CC2D2B: variants seen among roughly 807,000 people sequenced by gnomAD.
The protein encoded by CC2D2B is protein CC2D2B.
In CC2D2B, 128 loss-of-function variants were observed where a neutral mutation model predicts 161.2. That is an observed-to-expected ratio of 0.79 (90% CI 0.69 to 0.92). The LOEUF is 0.92. Among genes scored for constraint, CC2D2B ranks in the 40% least tolerant of loss-of-function variants. The pLI, the probability that CC2D2B is intolerant of heterozygous loss-of-function variation, is 0.00. For missense variants in CC2D2B, 1,173 were observed against 1,375.1 expected (o/e 0.85, Z 2.32); for synonymous variants, 391 against 449.8 (o/e 0.87, Z 1.65).
intron 10 of CC2D2B, among the ~76,000 whole-genome samples, chr10:95,954,737 T>G (rs542886424): frequency 6.6e-6 from 1 of 152,284 alleles, no homozygotes; most frequent in African/African-American, 2.4e-5. Context: ...GAATATAGTT[T>G]GTTTTCCTAT....
intron 24 of CC2D2B, among the ~76,000 whole-genome samples, chr10:96,003,754 C>T (rs2078629529): frequency 6.6e-6 from 1 of 152,044 alleles, no homozygotes; most frequent in South Asian, 2.1e-4. Context: ...CCATGCCGGG[C>T]CGTAAATTCT....
Position 95,947,442 on chromosome 10 carries a change from C to A in CC2D2B, c.802-2454C>A, listed in dbSNP as rs912085839. Among the ~76,000 whole-genome samples, 5 of 138,242 alleles carry A rather than the reference C, an allele frequency of 3.6e-5. No individual in the cohort carries two copies. In the Admixed American group the frequency reaches 3.9e-4, roughly 11 times the overall value. The allele number at this position is 138,242 out of a possible 152,430, so 90.7% of individuals were successfully genotyped here. Reference sequence around the variant, plus strand: ...TTCCTTTACTTTCTTAATAAACTTGCTTTTACTTAAAAAAAAGGTGGTCAG... The same window carrying A: ...TTCCTTTACTTTCTTAATAAACTTGATTTTACTTAAAAAAAAGGTGGTCAG... On this transcript the variant is annotated intron_variant, in intron 9 of 34. Coordinates refer to ENST00000646931, the MANE Select transcript of CC2D2B (RefSeq NM_001349008.3).
intron 12 of CC2D2B, among the ~76,000 whole-genome samples, chr10:95,965,632 T>C (rs1262642038): frequency 6.6e-6 from 1 of 152,100 alleles, no homozygotes; most frequent in Non-Finnish European, 1.5e-5. Context: ...GAAAGGTTTC[T>C]TGATGCCCTT....
chr10:95,979,461 G>C (rs1469534255), intron 17 of CC2D2B, among the ~76,000 whole-genome samples: 28 of 152,152 alleles, frequency 1.8e-4, no homozygotes, highest in Admixed American at 1.8e-3. Context: ...GCAGTGGTCA[G>C]TATTTTTTTA....
At chr10:95,994,235 T>C (rs1218753499) in intron 22 of CC2D2B, among the ~76,000 whole-genome samples, 1 of 151,026 alleles carries the variant, frequency 6.6e-6, no homozygotes. Context: ...GATTATAAGG[T>C]CAAGCAAGTC....
chr10:96,028,000 G>T, intron 34 of CC2D2B, among the ~76,000 whole-genome samples: 1 of 152,156 alleles, frequency 6.6e-6, no homozygotes, highest in African/African-American at 2.4e-5. Flanking sequence ...CTGGACTAAA[G>T]AGTTAGTTTA....
At chr10:95,975,878 C>A (rs537083774) in intron 17 of CC2D2B, among the ~76,000 whole-genome samples, 1 of 152,270 alleles carries the variant, frequency 6.6e-6, no homozygotes, top group South Asian at 2.1e-4. Flanking sequence ...ATACCTAGAA[C>A]TATTATTTTG....
At chr10:95,969,670 T>C (rs1201350285) in intron 15 of CC2D2B, among the ~76,000 whole-genome samples, 2 of 152,188 alleles carry the variant, frequency 1.3e-5, no homozygotes, top group Non-Finnish European at 2.9e-5. Context: ...TCATTATTCA[T>C]GTATTCAGGT....
chr10:95,946,918 G>A (rs1279932444), intron 9 of CC2D2B, among the ~76,000 whole-genome samples: 1 of 151,402 alleles, frequency 6.6e-6, no homozygotes, highest in East Asian at 1.9e-4. Context: ...TCCTATTTGG[G>A]TTGATGCATT....
intron 23 of CC2D2B, 50 bp from the exon 24 acceptor site, chr10:95,996,093 G>T: frequency 1.2e-6 from 1 of 804,214 alleles, no homozygotes; most frequent in South Asian, 2.6e-5. Flanking sequence ...TACCTTTATC[G>T]ACTATATATA....
intron 17 of CC2D2B, among the ~76,000 whole-genome samples, chr10:95,979,402 G>GTCCTT (rs2077432415): frequency 6.6e-6 from 1 of 152,156 alleles, no homozygotes; most frequent in African/African-American, 2.4e-5. Flanking sequence ...CAGTGTCTGT[G>GTCCTT]TCCTTTTCCC....
chr10:95,931,422 A>C (rs2098549887), intron 6 of CC2D2B, among the ~76,000 whole-genome samples: 1 of 152,064 alleles, frequency 6.6e-6, no homozygotes, highest in Admixed American at 6.5e-5. Context: ...GTCTTCTGCT[A>C]GCTTTTGAAT....
Position 96,032,115 on chromosome 10 carries a change from G to A in CC2D2B, c.*107G>A, listed in dbSNP as rs2080089252. On this transcript the variant is annotated 3_prime_UTR_variant, in exon 35 of 35. Coordinates refer to ENST00000646931, the MANE Select transcript of CC2D2B (RefSeq NM_001349008.3). Reference sequence around the variant, plus strand: ...TGTTTATTCTCAAGTCCAGCTAAGTGCTGGGCCCAATTTTTGATTCACTTA... The same window carrying A: ...TGTTTATTCTCAAGTCCAGCTAAGTACTGGGCCCAATTTTTGATTCACTTA... 1 of 829,384 alleles carries A rather than the reference G, an allele frequency of 1.2e-6. No homozygotes were observed. Among genetic ancestry groups the A allele is most frequent in the Non-Finnish European group, 1.9e-6 (1 of 539,816 alleles). 51.4% of individuals were successfully genotyped at this position (829,384 alleles called of 1,614,324 possible).
chr10:96,000,380 T>C (rs1036448714), intron 24 of CC2D2B: 3 of 322,248 alleles, frequency 9.3e-6, no homozygotes, highest in South Asian at 1.2e-4. Flanking sequence ...ATATTTATCT[T>C]TGAGGCGGAG....
At chr10:96,012,400 C>A in intron 27 of CC2D2B, 33 bp downstream of exon 27, 1 of 689,242 alleles carries the variant, frequency 1.5e-6, no homozygotes, top group Non-Finnish European at 2.5e-6. Context: ...TTTATATATA[C>A]CATCAAAGAG....
chr10:96,000,465 A>C (rs1253703164), intron 24 of CC2D2B, among the ~76,000 whole-genome samples: 1 of 151,798 alleles, frequency 6.6e-6, no homozygotes, highest in African/African-American at 2.4e-5. Context: ...CCAGGTTCGA[A>C]CCATTCTCCT....
At position 95,927,333 on chromosome 10, in the gene CC2D2B, G is replaced by A; in HGVS notation, c.336+1G>A. The A allele has an allele frequency of 6.5e-7, 1 of 1,533,542 alleles. No individual in the cohort carries two copies. The highest frequency in any genetic ancestry group is 8.8e-7 in the Non-Finnish European group (1 of 1,131,428). The allele number at this position is 1,533,542 out of a possible 1,614,324, so 95.0% of individuals were successfully genotyped here. On this transcript the variant is annotated splice_donor_variant, in intron 6 of 34. Transcript: ENST00000646931. LOFTEE classifies it high-confidence loss of function. ...AGCTTTGGGCAAGTCTTCAGAGCAG[G>A]TTGGATTTGTTTGCCTCCCTCCCAC...
chr10:95,932,267 G>A (rs544014772), intron 6 of CC2D2B, among the ~76,000 whole-genome samples: 260 of 152,180 alleles, frequency 1.7e-3, no homozygotes, highest in Non-Finnish European at 3.2e-3. Context: ...TTGAGCCTAT[G>A]TGTGTCTTTG....
chr10:96,013,751 T>A (rs1442620670), intron 28 of CC2D2B, 37 bp from the exon 29 acceptor site: 3 of 1,280,346 alleles, frequency 2.3e-6, no homozygotes, highest in Non-Finnish European at 3.4e-6. Context: ...GTGATGGACA[T>A]ACAGCACACA....
Sources: allele counts gnomAD v4.1 joint callset (sites outside exome capture counted in the v4.1 genomes callset), GRCh38; gene constraint gnomAD v4.1.1; transcripts MANE v1.5; gene names NCBI Gene and HGNC (gene_info 2026-07-23, HGNC 2026-07-21).